Variants in RAP1GDS1 observed in about 807,000 individuals in gnomAD.
The protein encoded by RAP1GDS1 is Rap1 GTPase-GDP dissociation stimulator 1.
Under a neutral mutation model 71.1 loss-of-function variants are expected in RAP1GDS1, and 35 were observed. The ratio of observed to expected loss-of-function variants is 0.49; its 90% CI spans 0.38 to 0.65. RAP1GDS1 has a LOEUF of 0.65. RAP1GDS1 is among the 30% of genes least tolerant of loss of function. The probability of loss-of-function intolerance (pLI) is 0.00; values close to 1 mark genes in which losing one functional copy is unlikely to be tolerated. For missense variants in RAP1GDS1, 663 were observed against 706.1 expected (o/e 0.94, Z 0.69); for synonymous variants, 229 against 243.1 (o/e 0.94, Z 0.54).
chr4:98,308,801 G>A (rs559351783), intron 2 of RAP1GDS1, among the ~76,000 whole-genome samples: 2 of 152,172 alleles, frequency 1.3e-5, no homozygotes, highest in African/African-American at 4.8e-5. Flanking sequence ...TGACATGAAT[G>A]TGTATATCTT....
intron 12 of RAP1GDS1, among the ~76,000 whole-genome samples, chr4:98,425,472 C>T (rs1749484150): frequency 6.6e-6 from 1 of 152,174 alleles, no homozygotes; most frequent in Non-Finnish European, 1.5e-5. Context: ...CATTAACTAT[C>T]TGCTGCCTTT....
intron 3 of RAP1GDS1, among the ~76,000 whole-genome samples, chr4:98,348,491 A>G (rs1736649828): frequency 6.6e-6 from 1 of 152,144 alleles, no homozygotes; most frequent in South Asian, 2.1e-4. Context: ...CAGTAATGGG[A>G]TTGCTGGGTC....
At chr4:98,433,857 C>A in intron 12 of RAP1GDS1, 79 bp from the exon 13 acceptor site, 1 of 1,402,620 alleles carries the variant, frequency 7.1e-7, no homozygotes. Flanking sequence ...AACCACTCAA[C>A]AATGAGTTGA....
intron 7 of RAP1GDS1, among the ~76,000 whole-genome samples, chr4:98,412,063 A>G (rs1348503135): frequency 6.6e-6 from 1 of 152,230 alleles, no homozygotes; most frequent in African/African-American, 2.4e-5. Flanking sequence ...ATTTTAACAC[A>G]TTAAAATTGC....
chr4:98,345,892 A>G (rs905487951), intron 3 of RAP1GDS1, among the ~76,000 whole-genome samples: 1 of 152,198 alleles, frequency 6.6e-6, no homozygotes, highest in East Asian at 1.9e-4. Context: ...AGCAGCATGT[A>G]ACCTGAAAGA....
chr4:98,410,633 A>G (rs1746919035), intron 7 of RAP1GDS1, among the ~76,000 whole-genome samples: 1 of 152,202 alleles, frequency 6.6e-6, no homozygotes, highest in Admixed American at 6.5e-5. Context: ...TGAATAAATC[A>G]TAGGATATTA....
intron 1 of RAP1GDS1, among the ~76,000 whole-genome samples, chr4:98,284,775 C>T (rs949368518): frequency 1.3e-5 from 2 of 152,260 alleles, no homozygotes; most frequent in East Asian, 1.9e-4. Flanking sequence ...ATCCGAGTAC[C>T]TGGAGGTTGC....
intron 1 of RAP1GDS1, among the ~76,000 whole-genome samples, chr4:98,274,649 C>G (rs567547835): frequency 2.6e-5 from 4 of 152,246 alleles, no homozygotes; most frequent in African/African-American, 9.6e-5. Context: ...GGTGCTTTCT[C>G]AACTTGGGAA....
At chr4:98,338,874 G>A (rs1389240946) in intron 2 of RAP1GDS1, among the ~76,000 whole-genome samples, 3 of 152,000 alleles carry the variant, frequency 2.0e-5, no homozygotes, top group African/African-American at 7.3e-5. Context: ...GTTTATTGTA[G>A]TAGCATACCT....
At chr4:98,420,189 C>T (rs1748614205) in intron 11 of RAP1GDS1, 45 bp downstream of exon 11, 1 of 1,410,082 alleles carries the variant, frequency 7.1e-7, no homozygotes, top group Non-Finnish European at 9.4e-7. Context: ...ATATGATAGT[C>T]TTAATGTGCC....
intron 13 of RAP1GDS1, among the ~76,000 whole-genome samples, chr4:98,434,529 T>C (rs1750885132): frequency 6.6e-6 from 1 of 152,090 alleles, no homozygotes; most frequent in Non-Finnish European, 1.5e-5. Context: ...TTGTCTTCTG[T>C]GTTACCCTTC....
At chr4:98,441,845 A>C (rs547032881) in intron 14 of RAP1GDS1, 145 bp from the exon 15 acceptor site, 16 of 882,556 alleles carry the variant, frequency 1.8e-5, no homozygotes, top group Non-Finnish European at 2.5e-5. Context: ...TAAGAAAGAC[A>C]TTGCTAGGCT....
intron 2 of RAP1GDS1, among the ~76,000 whole-genome samples, chr4:98,308,331 A>ATG (rs1560809077): frequency 1.5e-5 from 2 of 137,424 alleles, no homozygotes; most frequent in Non-Finnish European, 3.1e-5. Context: ...ATATATATAT[A>ATG]TGCGCCAGGC....
At chr4:98,322,923 A>G (rs1732201302) in intron 2 of RAP1GDS1, among the ~76,000 whole-genome samples, 1 of 115,098 alleles carries the variant, frequency 8.7e-6, no homozygotes, top group Admixed American at 7.9e-5. Flanking sequence ...CTAAAATCAG[A>G]GCAGAACTGA....
chr4:98,384,787 T>C (rs1182580566), intron 5 of RAP1GDS1, among the ~76,000 whole-genome samples: 5 of 151,700 alleles, frequency 3.3e-5, no homozygotes, highest in Admixed American at 1.3e-4. Context: ...AAAATTATTA[T>C]AGTCTTTTTG....
At chr4:98,317,828 T>TATATA (rs201550523) in intron 2 of RAP1GDS1, among the ~76,000 whole-genome samples, 3 of 147,870 alleles carry the variant, frequency 2.0e-5, no homozygotes, top group South Asian at 2.2e-4. Flanking sequence ...ATATATATAT[T>TATATA]TTTTTTTCTT....
intron 1 of RAP1GDS1, among the ~76,000 whole-genome samples, chr4:98,268,574 A>G (rs1405121078): frequency 6.6e-6 from 1 of 151,948 alleles, no homozygotes; most frequent in Non-Finnish European, 1.5e-5. Flanking sequence ...AGACTCCTTG[A>G]AAAAAAAGAC....
chr4:98,361,653 CTG>C (rs1415328973), intron 4 of RAP1GDS1, among the ~76,000 whole-genome samples: 4 of 152,178 alleles, frequency 2.6e-5, no homozygotes, highest in African/African-American at 7.2e-5. Flanking sequence ...ACACCAAAAA[CTG>C]TGTCCATCAA....
At chr4:98,420,184 A>T (rs1337733911) in intron 11 of RAP1GDS1, 40 bp downstream of exon 11, 1 of 1,473,288 alleles carries the variant, frequency 6.8e-7, no homozygotes, top group African/African-American at 1.4e-5. Flanking sequence ...TTTTCATATG[A>T]TAGTCTTAAT....
Sources: gnomAD v4.1 joint callset for allele counts (sites outside exome capture counted in the v4.1 genomes callset) on GRCh38, gnomAD v4.1.1 for gene constraint, MANE v1.5 for transcripts, NCBI Gene and HGNC (gene_info 2026-07-23, HGNC 2026-07-21) for gene names.